The following IARS1 variants were observed in gnomAD, a reference collection of about 807,000 sequenced individuals.
IARS1 encodes isoleucine--tRNA ligase, cytoplasmic.
In IARS1, 124 loss-of-function variants were observed where a neutral mutation model predicts 168.2. The ratio of observed to expected loss-of-function variants is 0.74; its 90% CI spans 0.64 to 0.86. The LOEUF is 0.86. Ranked by LOEUF, IARS1 falls within the 40% of genes least tolerant of loss-of-function variation. The pLI is 0.00. For missense variants in IARS1, 1,452 were observed against 1,515.8 expected, an observed-to-expected ratio of 0.96 and a Z score of 0.70; for synonymous variants, 532 against 529.4, an observed-to-expected ratio of 1.00 and a Z score of -0.07.
chr9:92,269,072 A>G (rs1832680571), intron 13 of IARS1, among the ~76,000 whole-genome samples: 2 of 152,070 alleles, frequency 1.3e-5, no homozygotes, highest in Admixed American at 1.3e-4. Context: ...CTAATATTCT[A>G]TATCTAGTAT....
Position 92,287,846 on chromosome 9 carries a change from G to A in IARS1, c.341C>T (p.Thr114Ile). The change falls in exon 4 of 34, where the codon ACA becomes ATA. Residue 114 changes from threonine (T) to isoleucine (I), a missense_variant. Coordinates refer to ENST00000443024, the MANE Select transcript of IARS1 (RefSeq NM_002161.6). ...GPEDVAKMGI[T>I]EYNNQCRAIV... Reference sequence around the variant, plus strand: ...TGCTCGGCACTGATTGTTATACTCTGTAATCCCCATTTTGGCCACATCCTC... The same window carrying A: ...TGCTCGGCACTGATTGTTATACTCTATAATCCCCATTTTGGCCACATCCTC... 6.2e-7 allele frequency: 1 copy of A among 1,613,808 alleles called. No homozygotes were observed. The highest frequency in any genetic ancestry group is 8.5e-7 in the Non-Finnish European group (1 of 1,179,854).
intron 30 of IARS1, among the ~76,000 whole-genome samples, chr9:92,239,123 A>C (rs2133580737): frequency 6.6e-6 from 1 of 152,276 alleles, no homozygotes; most frequent in East Asian, 1.9e-4. Flanking sequence ...ATTACCCTCC[A>C]TTTTGATTTT....
intron 17 of IARS1, 112 bp from the exon 18 acceptor site, chr9:92,260,346 G>T: frequency 1.2e-6 from 1 of 809,046 alleles, no homozygotes; most frequent in Non-Finnish European, 2.2e-6. Flanking sequence ...ATGGGAAGGA[G>T]TAACTTAGAT....
At chr9:92,282,619 A>T (rs1834788606) in intron 6 of IARS1, among the ~76,000 whole-genome samples, 1 of 151,906 alleles carries the variant, frequency 6.6e-6, no homozygotes, top group South Asian at 2.1e-4. Flanking sequence ...AAGATAAAAA[A>T]ATTTTCTGGG....
intron 31 of IARS1, among the ~76,000 whole-genome samples, chr9:92,224,823 A>G (rs1480655848): frequency 2.2e-5 from 3 of 138,300 alleles, no homozygotes; most frequent in Admixed American, 7.2e-5. Flanking sequence ...ATCGAGTGAG[A>G]CCCTGTCTCA....
chr9:92,286,676 A>G, intron 4 of IARS1, 58 bp from the exon 5 acceptor site: 1 of 937,888 alleles, frequency 1.1e-6, no homozygotes, highest in Non-Finnish European at 1.7e-6. Flanking sequence ...TTGTACATCA[A>G]TGTGTGTTTA....
At chr9:92,213,754 G>C (rs1327115160) in intron 33 of IARS1, among the ~76,000 whole-genome samples, 1 of 152,190 alleles carries the variant, frequency 6.6e-6, no homozygotes, top group African/African-American at 2.4e-5. Flanking sequence ...TTTTGGAGTA[G>C]GGATAGACAG....
intron 33 of IARS1, among the ~76,000 whole-genome samples, chr9:92,217,052 A>T (rs1456189557): frequency 0.011 from 1,634 of 148,898 alleles, 35 homozygotes; most frequent in African/African-American, 0.037. Flanking sequence ...ATGTAAAAGA[A>T]CAGAAATTAT....
At chr9:92,278,140 C>G (rs895639168) in intron 8 of IARS1, 59 bp downstream of exon 8, 1 of 1,215,652 alleles carries the variant, frequency 8.2e-7, no homozygotes, top group Non-Finnish European at 1.2e-6. Flanking sequence ...CTTTTTAAAA[C>G]TAAAGACACA....
At chr9:92,227,688 AT>A (rs1426415974) in intron 31 of IARS1, among the ~76,000 whole-genome samples, 2 of 144,694 alleles carry the variant, frequency 1.4e-5, no homozygotes, top group African/African-American at 5.2e-5. Flanking sequence ...CGCTCCTCAC[AT>A]CCTGGACGAG....
chr9:92,278,059 G>T, intron 8 of IARS1, 136 bp from the exon 9 acceptor site: 1 of 1,032,582 alleles, frequency 9.7e-7, no homozygotes, highest in Non-Finnish European at 1.5e-6. Flanking sequence ...TGACTGCAAA[G>T]TACTTAGTAT....
intron 22 of IARS1, chr9:92,251,192 G>C (rs980643540): frequency 8.7e-6 from 4 of 462,054 alleles, no homozygotes; most frequent in Non-Finnish European, 1.3e-5. Context: ...TCACAGGATG[G>C]AGGTGATGAG....
At chr9:92,241,493 G>C (rs1291559963) in intron 29 of IARS1, among the ~76,000 whole-genome samples, 1 of 152,096 alleles carries the variant, frequency 6.6e-6, no homozygotes, top group Non-Finnish European at 1.5e-5. Flanking sequence ...TTACAGGCGT[G>C]TACCACCATG....
chr9:92,253,262 G>A, intron 21 of IARS1, 100 bp downstream of exon 21: 1 of 743,654 alleles, frequency 1.3e-6, no homozygotes, highest in East Asian at 2.5e-5. Flanking sequence ...AAAACGGAGA[G>A]CAACTGAAAA....
chr9:92,253,844 T>C (rs1463350715), intron 20 of IARS1: 3 of 485,300 alleles, frequency 6.2e-6, no homozygotes, highest in Non-Finnish European at 1.2e-5. Context: ...TGTATTACAC[T>C]GTACTTCAAC....
At chr9:92,283,209 T>G (rs1326601374) in intron 6 of IARS1, among the ~76,000 whole-genome samples, 3 of 152,250 alleles carry the variant, frequency 2.0e-5, no homozygotes, top group Non-Finnish European at 4.4e-5. Flanking sequence ...GGGCCAAATC[T>G]GGCTCATCAC....
intron 20 of IARS1, among the ~76,000 whole-genome samples, chr9:92,254,754 ACT>A (rs1830487747): frequency 6.6e-6 from 1 of 152,174 alleles, no homozygotes; most frequent in Admixed American, 6.5e-5. Context: ...AGCAGCAGCC[ACT>A]ACCCAGGCCA....
chr9:92,225,296 G>T (rs934538955), intron 31 of IARS1, among the ~76,000 whole-genome samples: 1 of 152,152 alleles, frequency 6.6e-6, no homozygotes, highest in African/African-American at 2.4e-5. Flanking sequence ...CTTGACCAGA[G>T]AACTCATTTT....
chr9:92,260,364 A>G (rs1831348161), intron 17 of IARS1, 130 bp from the exon 18 acceptor site: 2 of 722,198 alleles, frequency 2.8e-6, no homozygotes, highest in Non-Finnish European at 5.0e-6. Context: ...GATAGAAGTT[A>G]GTGCTAATAG....
Sources: gnomAD v4.1 joint callset for allele counts (sites outside exome capture counted in the v4.1 genomes callset) on GRCh38, gnomAD v4.1.1 for gene constraint, MANE v1.5 for transcripts, NCBI Gene and HGNC (gene_info 2026-07-23, HGNC 2026-07-21) for gene names.